Variants in AHNAK2 observed in about 807,000 individuals in gnomAD.
AHNAK2 encodes AHNAK nucleoprotein 2.
AHNAK2 carries 18 observed loss-of-function variants against 30.7 expected under a neutral mutation model. The observed-to-expected ratio is 0.59, with a 90% CI of 0.41 to 0.87. The LOEUF (loss-of-function observed/expected upper bound fraction) is 0.87. Ranked by LOEUF, AHNAK2 falls within the 40% of genes least tolerant of loss-of-function variation. The pLI is 0.00. For missense variants in AHNAK2, 8,604 were observed against 7,373.0 expected (o/e 1.17, Z -6.11); for synonymous variants, 3,590 against 3,073.8 (o/e 1.17, Z -5.56).
Position 104,952,137 on chromosome 14 carries a change from C to T in AHNAK2, c.3314G>A (p.Gly1105Asp). 6.2e-7 allele frequency: 1 copy of T among 1,612,366 alleles called. No homozygotes were observed. The change falls in exon 7 of 7, where the codon GGC (glycine) becomes GAC (aspartate). Residue 1105 changes from glycine (G) to aspartate (D), a missense_variant. Physicochemically the swap from Gly to Asp is moderately conservative, Grantham distance 94. Transcript: ENST00000333244. ...GGGGCTTTTCAGGTCCAGCTTGGGG[C>T]CCTTGACGTCCACCTGGGGGCCCTT... Reference protein sequence around the residue: ...ALKGPQVDVKGPKLDLKSPKA... With the variant: ...ALKGPQVDVKDPKLDLKSPKA...
In AHNAK2 at chr14:104,953,718, C is replaced by T; in HGVS notation, c.1733G>A (p.Gly578Glu). The T allele has an allele frequency of 6.2e-7, 1 of 1,613,940 alleles. No individual in the cohort carries two copies. ...CTTGAACTTGGGCATTCTTATCTGTCCTTCTGTGTCTTCCCTGCCCTTGTC... is the reference window on the plus strand; with the variant it reads ...CTTGAACTTGGGCATTCTTATCTGTTCTTCTGTGTCTTCCCTGCCCTTGTC... ...EQDKGREDTE[G>E]QIRMPKFKIP... Residue 578 changes from glycine to glutamate, a missense_variant, in exon 7 of 7, where the codon GGA becomes GAA. Physicochemically the swap from Gly to Glu is moderately conservative, Grantham distance 98. Coordinates refer to ENST00000333244, the MANE Select transcript of AHNAK2 (RefSeq NM_138420.4).
In AHNAK2 at chr14:104,949,414, C is replaced by G. The variant is rs1256909853; in HGVS notation, c.6037G>C (p.Val2013Leu). The change falls in exon 7 of 7, where the codon GTG (valine) becomes CTG (leucine). Residue 2013 changes from valine (V) to leucine (L), a missense_variant. Transcript: ENST00000333244. The part of the protein sequence containing the change: ...PGRSIEASVD[V>L]PAPKVEADVS... ...TCGGCCTCCACCTTGGGTGCAGGCA[C>G]ATCCACCGAGGCCTCGATGGACCTC... 1.9e-6 allele frequency: 3 copies of G among 1,586,538 alleles called. No individual in the cohort carries two copies. In the African/African-American group the frequency reaches 4.1e-5, roughly 22 times the overall value.
chr14:104,947,537 G>C lies in AHNAK2; in HGVS notation c.7914C>G (p.Asp2638Glu), dbSNP rs1898355870. The change falls in exon 7 of 7, where the codon GAC becomes GAG. Residue 2638 changes from aspartate to glutamate, a missense_variant. Physicochemically the swap from Asp to Glu is conservative, Grantham distance 45. Coordinates refer to ENST00000333244, the MANE Select transcript of AHNAK2 (RefSeq NM_138420.4). ...ARLEGDLSLA[D>E]KGVTAKDSKF... ...TGCTATCTTTGGCTGTCACACCCTT[G>C]TCGGCCAGGGACAGGTCCCCCTCCA... is the stretch of plus-strand genomic sequence containing the variant. 4 of 1,612,236 alleles carry C rather than the reference G, an allele frequency of 2.5e-6. No homozygotes were observed. In the African/African-American group the frequency reaches 4.0e-5, roughly 16 times the overall value.
Position 104,938,350 on chromosome 14 carries a change from T to A in AHNAK2, c.17101A>T (p.Lys5701Ter). 1 of 1,613,974 alleles carries A rather than the reference T, an allele frequency of 6.2e-7. No homozygotes were observed. Among genetic ancestry groups the A allele is most frequent in the East Asian group, 2.2e-5 (1 of 44,888 alleles). ...QEKAGWFRFP[K>*]LGFSSSPTKK... ...GTAGGAGATGAGGAGAACCCTAATT[T>A]GGGAAATCGGAACCAGCCTGCCTTC... is the stretch of plus-strand genomic sequence containing the variant. The change falls in exon 7 of 7, where the codon AAA (lysine) becomes TAA (stop). Residue 5701 changes from lysine to a stop codon, truncating the protein, a stop_gained. Transcript: ENST00000333244. LOFTEE classifies it low-confidence loss of function (END_TRUNC).
At chr14:104,967,678 C>A (rs892296174) in intron 1 of AHNAK2, among the ~76,000 whole-genome samples, 6 of 152,172 alleles carry the variant, frequency 3.9e-5, no homozygotes, top group Non-Finnish European at 7.4e-5. Context: ...GAGCGGCAGA[C>A]CTGCCTCTGG....
At position 104,952,000 on chromosome 14, in the gene AHNAK2, G is replaced by C. The variant is rs372257589; in HGVS notation, c.3451C>G (p.Leu1151Val). 107 of 1,592,590 alleles carry C rather than the reference G, an allele frequency of 6.7e-5. 1 individual carries two copies. The highest frequency in any genetic ancestry group is 8.7e-5 in the Non-Finnish European group (102 of 1,172,334). Residue 1151 changes from leucine to valine, a missense_variant, in exon 7 of 7, where the codon CTG becomes GTG. By Grantham distance (32) the Leu-to-Val change is conservative. Coordinates refer to ENST00000333244, the MANE Select transcript of AHNAK2 (RefSeq NM_138420.4). ...DSARLEGELS[L>V]ADKDVTAKDS... ...TTGGCAGTCACATCCTTGTCGGCCA[G>C]GGACAGTTCCCCCTCCAGCCGCGCA...
At chr14:104,970,275 G>A (rs888186099) in intron 1 of AHNAK2, among the ~76,000 whole-genome samples, 6 of 152,136 alleles carry the variant, frequency 3.9e-5, no homozygotes, top group African/African-American at 9.6e-5. Flanking sequence ...TGCCCAGCCC[G>A]CTGGCCCTGG....
At chr14:104,973,756 C>G (rs1899532155) in intron 1 of AHNAK2, among the ~76,000 whole-genome samples, 1 of 152,216 alleles carries the variant, frequency 6.6e-6, no homozygotes, top group Non-Finnish European at 1.5e-5. Context: ...CCACCGCCAC[C>G]CCTGCAGGAA....
rs536864731 is a variant in AHNAK2, at chr14:104,950,391, T to C, written c.5060A>G (p.Lys1687Arg). ...GGGGAGGCTCACATCAGCTTCCACC[T>C]TCGGCTCAGACACATCCACCGAGGC... is the stretch of plus-strand genomic sequence containing the variant. ...IEASVDVSEPKVEADVSLPSM... is the reference protein window; with the variant it reads ...IEASVDVSEPRVEADVSLPSM... Residue 1687 changes from lysine (K) to arginine (R), a missense_variant, in exon 7 of 7, where the codon AAG (lysine) becomes AGG (arginine). By Grantham distance (26) the Lys-to-Arg change is conservative (BLOSUM62 2). Transcript: ENST00000333244. 2.5e-6 allele frequency: 4 copies of C among 1,586,646 alleles called. No homozygotes were observed. In the South Asian group the frequency reaches 4.5e-5, roughly 18 times the overall value.
Position 104,938,893 on chromosome 14 carries a change from A to T in AHNAK2, c.16558T>A (p.Leu5520Ile). 6.2e-7 allele frequency: 1 copy of T among 1,613,774 alleles called. No homozygotes were observed. The highest frequency in any genetic ancestry group is 1.1e-5 in the South Asian group (1 of 91,056). ...GGCTCTGGGATTTTCACTTTTAATAAGGAAAATCCGTACGAAGGTGTTTGA... is the reference window on the plus strand; with the variant it reads ...GGCTCTGGGATTTTCACTTTTAATATGGAAAATCCGTACGAAGGTGTTTGA... The part of the protein sequence containing the change: ...EIQTPSYGFS[L>I]LKVKIPEPHT... Residue 5520 changes from leucine to isoleucine, a missense_variant, in exon 7 of 7, where the codon TTA becomes ATA. Physicochemically the swap from Leu to Ile is conservative, Grantham distance 5. Transcript: ENST00000333244.
Position 104,952,604 on chromosome 14 carries a change from C to A in AHNAK2, c.2847G>T (p.Lys949Asn). 6.2e-7 allele frequency: 1 copy of A among 1,612,932 alleles called. No homozygotes were observed. Among genetic ancestry groups the A allele is most frequent in the Non-Finnish European group, 8.5e-7 (1 of 1,179,676 alleles). Residue 949 changes from lysine (K) to asparagine (N), a missense_variant, in exon 7 of 7, where the codon AAG becomes AAT. By Grantham distance (94) the Lys-to-Asn change is moderately conservative. Coordinates refer to ENST00000333244, the MANE Select transcript of AHNAK2 (RefSeq NM_138420.4). Reference sequence around the variant, plus strand: ...CGCCATCGGGGGCTGTCACTTCCGCCTTGGGGCCTTTCAGGTCCAGCTTGG... The same window carrying A: ...CGCCATCGGGGGCTGTCACTTCCGCATTGGGGCCTTTCAGGTCCAGCTTGG... ...KGPKLDLKGPKAEVTAPDGEV... is the reference protein window; with the variant it reads ...KGPKLDLKGPNAEVTAPDGEV...
At chr14:104,955,933 G>C (rs1048680776) in intron 4 of AHNAK2, among the ~76,000 whole-genome samples, 22 of 152,102 alleles carry the variant, frequency 1.4e-4, no homozygotes, top group African/African-American at 5.3e-4. Context: ...AACGGATTCT[G>C]CTTTCCCTGT....
Position 104,946,585 on chromosome 14 carries a change from C to T in AHNAK2, c.8866G>A (p.Asp2956Asn). ...AGGTCACCCTCCAGCCGTGCACCAT[C>T]CAGCTTTGCTCTCGGGGCCTCGACG... ...VDVEAPRAKL[D>N]GARLEGDLSL... The change falls in exon 7 of 7, where the codon GAT becomes AAT. Residue 2956 changes from aspartate to asparagine, a missense_variant. Asp to Asn is a conservative substitution (Grantham distance 23, BLOSUM62 1). Coordinates refer to ENST00000333244, the MANE Select transcript of AHNAK2 (RefSeq NM_138420.4). The T allele has an allele frequency of 1.9e-6, 3 of 1,613,190 alleles. No individual in the cohort carries two copies. The South Asian group carries it at 3.3e-5, about 18-fold the overall frequency.
chr14:104,941,294 A>G lies in AHNAK2; in HGVS notation c.14157T>C (p.Asp4719=), dbSNP rs753860097. 1 of 1,613,586 alleles carries G rather than the reference A, an allele frequency of 6.2e-7. No individual in the cohort carries two copies. Among genetic ancestry groups the G allele is most frequent in the Non-Finnish European group, 8.5e-7 (1 of 1,179,840 alleles). Residue 4719 remains aspartate (D), a synonymous_variant, in exon 7 of 7, where the codon GAT becomes GAC. Coordinates refer to ENST00000333244, the MANE Select transcript of AHNAK2 (RefSeq NM_138420.4). ...VSFSSTKTPK[D]SLVPGAKSSI... ...TAGACTTTGCACCTGGGACTAAACT[A>G]TCTTTAGGAGTTTTGGTAGAAGAAA...
Position 104,938,890 on chromosome 14 carries a change from A to C in AHNAK2, c.16561T>G (p.Leu5521Val). ...TGGGGCTCTGGGATTTTCACTTTTA[A>C]TAAGGAAAATCCGTACGAAGGTGTT... ...IQTPSYGFSL[L>V]KVKIPEPHTQ... The change falls in exon 7 of 7, where the codon TTA (leucine) becomes GTA (valine). Residue 5521 changes from leucine to valine, a missense_variant. By Grantham distance (32) the Leu-to-Val change is conservative. Coordinates refer to ENST00000333244, the MANE Select transcript of AHNAK2 (RefSeq NM_138420.4). 1.2e-6 allele frequency: 2 copies of C among 1,613,740 alleles called. No individual in the cohort carries two copies. Among genetic ancestry groups the C allele is most frequent in the Non-Finnish European group, 1.7e-6 (2 of 1,179,868 alleles).
In AHNAK2 at chr14:104,952,975, C is replaced by G; in HGVS notation, c.2476G>C (p.Val826Leu). The G allele has an allele frequency of 6.2e-7, 1 of 1,612,706 alleles. No individual in the cohort carries two copies. Among genetic ancestry groups the G allele is most frequent in the South Asian group, 1.1e-5 (1 of 91,014 alleles). Residue 826 changes from valine (V) to leucine (L), a missense_variant, in exon 7 of 7, where the codon GTG becomes CTG. By Grantham distance (32) the Val-to-Leu change is conservative (BLOSUM62 1). Coordinates refer to ENST00000333244, the MANE Select transcript of AHNAK2 (RefSeq NM_138420.4). ...TTGAACTTGCTGTCTTTGGCAGTCA[C>G]CTCCTTGTCGGCCAGGGACAGGTCC... ...EGDLSLADKE[V>L]TAKDSKFKMP... is the part of the protein sequence containing the mutation.
Position 104,939,261 on chromosome 14 carries a change from G to A in AHNAK2, c.16190C>T (p.Pro5397Leu). 1.2e-6 allele frequency: 2 copies of A among 1,613,934 alleles called. No homozygotes were observed. The highest frequency in any genetic ancestry group is 1.3e-5 in the African/African-American group (1 of 75,058). ...PKLMVPRFSF[P>L]APSSEDDVFI... ...CACATCATCCTCTGAGCTGGGGGCA[G>A]GGAAGGAGAACCTTGGTACCATTAA... Residue 5397 changes from proline (P) to leucine (L), a missense_variant, in exon 7 of 7, where the codon CCT (proline) becomes CTT (leucine). By Grantham distance (98) the Pro-to-Leu change is moderately conservative. Transcript: ENST00000333244.
rs561825936 is a variant in AHNAK2 at position 104,947,994 on chromosome 14, G to A, written c.7457C>T (p.Pro2486Leu). 5.6e-6 allele frequency: 9 copies of A among 1,612,542 alleles called. No homozygotes were observed. In the African/African-American group the frequency reaches 1.2e-4, roughly 22 times the overall value. The change falls in exon 7 of 7, where the codon CCC becomes CTC. Residue 2486 changes from proline (P) to leucine (L), a missense_variant. Coordinates refer to ENST00000333244, the MANE Select transcript of AHNAK2 (RefSeq NM_138420.4). The part of the protein sequence containing the change: ...VTTKDSRFKI[P>L]KFKMPSFGVS... ...CCCGAATGACGGCATCTTGAACTTG[G>A]GAATTTTGAACCTGCTGTCTTTGGT...
At chr14:104,965,649 G>A (rs555476625) in intron 1 of AHNAK2, among the ~76,000 whole-genome samples, 4 of 152,304 alleles carry the variant, frequency 2.6e-5, no homozygotes, top group African/African-American at 9.6e-5. Context: ...CCAGTTGCTG[G>A]TAGGACACTG....
Sources: gnomAD v4.1 joint callset for allele counts (sites outside exome capture counted in the v4.1 genomes callset) on GRCh38, gnomAD v4.1.1 for gene constraint, MANE v1.5 for transcripts, NCBI Gene and HGNC (gene_info 2026-07-23, HGNC 2026-07-21) for gene names.